HDAC9: variants seen among roughly 807,000 people sequenced by gnomAD.
HDAC9 encodes the protein MEF-2 interacting transcription repressor (MITR) protein.
HDAC9 carries 41 observed loss-of-function variants against 139.4 expected under a neutral mutation model. The ratio of observed to expected loss-of-function variants is 0.29; its 90% CI spans 0.23 to 0.38. HDAC9 has a LOEUF of 0.38. HDAC9 is among the 10% of genes least tolerant of loss of function. The probability of loss-of-function intolerance (pLI) is 1.00; values close to 1 mark genes in which losing one functional copy is unlikely to be tolerated. For missense variants in HDAC9, 1,147 were observed against 1,297.0 expected, an observed-to-expected ratio of 0.88 and a Z score of 1.78; for synonymous variants, 517 against 476.2, an observed-to-expected ratio of 1.09 and a Z score of -1.12.
At chr7:18,621,246 T>C (rs1840127609) in intron 6 of HDAC9, among the ~76,000 whole-genome samples, 2 of 151,650 alleles carry the variant, frequency 1.3e-5, no homozygotes, top group African/African-American at 4.8e-5. Flanking sequence ...GATATAATCA[T>C]AAATATAATG....
At chr7:18,344,885 G>C (rs1012573960) in intron 1 of HDAC9, among the ~76,000 whole-genome samples, 2 of 151,964 alleles carry the variant, frequency 1.3e-5, no homozygotes, top group Non-Finnish European at 2.9e-5. Context: ...TCTAAGGATT[G>C]ATAAGTAAAA....
chr7:18,175,536 G>C (rs976058000), intron 2 of HDAC9, among the ~76,000 whole-genome samples: 1 of 152,152 alleles, frequency 6.6e-6, no homozygotes, highest in Non-Finnish European at 1.5e-5. Flanking sequence ...CCTGTCTTCT[G>C]TGTTGATCAC....
chr7:18,905,974 TCTCTC>T (rs1029592049), intron 22 of HDAC9, among the ~76,000 whole-genome samples: 8 of 150,726 alleles, frequency 5.3e-5, no homozygotes, highest in African/African-American at 1.2e-4. Context: ...CTTCCTTCCT[TCTCTC>T]CTTCCTTCCT....
chr7:18,806,265 A>G (rs78253266), intron 17 of HDAC9, among the ~76,000 whole-genome samples: 1,883 of 152,330 alleles, frequency 0.012, 27 homozygotes, highest in African/African-American at 0.035. Context: ...GCTTAAAACA[A>G]TGCAAATTTA....
intron 2 of HDAC9, among the ~76,000 whole-genome samples, chr7:18,278,082 T>C (rs1796864217): frequency 6.6e-6 from 1 of 152,142 alleles, no homozygotes; most frequent in South Asian, 2.1e-4. Flanking sequence ...CAGGAATCTC[T>C]TCCTTTCGGA....
At chr7:18,922,203 A>G (rs1803816246) in intron 22 of HDAC9, among the ~76,000 whole-genome samples, 1 of 152,126 alleles carries the variant, frequency 6.6e-6, no homozygotes, top group South Asian at 2.1e-4. Flanking sequence ...CGTTGTGCAC[A>G]TGTACCCTAC....
At chr7:18,360,049 A>C (rs896878744) in intron 1 of HDAC9, among the ~76,000 whole-genome samples, 5 of 152,114 alleles carry the variant, frequency 3.3e-5, no homozygotes, top group Non-Finnish European at 7.4e-5. Flanking sequence ...CCACCCTCCG[A>C]TTCTCCTCTC....
intron 23 of HDAC9, among the ~76,000 whole-genome samples, chr7:18,945,917 T>G (rs935926037): frequency 4.6e-5 from 7 of 151,244 alleles, no homozygotes; most frequent in South Asian, 2.1e-4. Context: ...CGCACCTGTA[T>G]TCCCAGCTAC....
chr7:18,206,393 A>T (rs1328954201), intron 2 of HDAC9, among the ~76,000 whole-genome samples: 1 of 152,242 alleles, frequency 6.6e-6, no homozygotes, highest in Non-Finnish European at 1.5e-5. Flanking sequence ...TAAACTGTAT[A>T]TTATTTAAAA....
chr7:18,805,469 A>T (rs1208296702), intron 17 of HDAC9, among the ~76,000 whole-genome samples: 2 of 152,206 alleles, frequency 1.3e-5, no homozygotes, highest in African/African-American at 2.4e-5. Flanking sequence ...GAGAGAAGTC[A>T]GCAGCTGCAC....
At chr7:18,428,228 C>T (rs1301880293) in intron 1 of HDAC9, among the ~76,000 whole-genome samples, 3 of 152,088 alleles carry the variant, frequency 2.0e-5, no homozygotes, top group Non-Finnish European at 4.4e-5. Context: ...TTTGAGGAAC[C>T]TCTACCGTTT....
At chr7:18,264,485 G>T (rs887001693) in intron 2 of HDAC9, among the ~76,000 whole-genome samples, 6 of 152,130 alleles carry the variant, frequency 3.9e-5, no homozygotes, top group South Asian at 2.1e-4. Context: ...TTAATTTAAA[G>T]AATTTTTAGT....
At chr7:18,410,329 C>T (rs1562961285) in intron 1 of HDAC9, among the ~76,000 whole-genome samples, 1 of 152,082 alleles carries the variant, frequency 6.6e-6, no homozygotes, top group African/African-American at 2.4e-5. Context: ...CACAGGAAGG[C>T]ATTGGCAATG....
At chr7:18,482,517 G>A (rs745967428) in intron 1 of HDAC9, among the ~76,000 whole-genome samples, 2 of 149,084 alleles carry the variant, frequency 1.3e-5, no homozygotes, top group Non-Finnish European at 3.0e-5. Flanking sequence ...TTATCTTCCA[G>A]CAATAAATAC....
At chr7:18,806,451 G>T (rs1044567017) in intron 17 of HDAC9, among the ~76,000 whole-genome samples, 1 of 152,082 alleles carries the variant, frequency 6.6e-6, no homozygotes, top group East Asian at 1.9e-4. Context: ...AGCTCCTAGA[G>T]TACTCTCCCC....
intron 22 of HDAC9, among the ~76,000 whole-genome samples, chr7:18,883,228 A>C (rs544583457): frequency 4.6e-5 from 7 of 152,132 alleles, no homozygotes; most frequent in Non-Finnish European, 1.0e-4. Flanking sequence ...ATTGACTACA[A>C]TTTTAGTTAA....
intron 22 of HDAC9, among the ~76,000 whole-genome samples, chr7:18,911,375 G>A (rs1802726623): frequency 1.3e-5 from 2 of 151,576 alleles, no homozygotes; most frequent in Non-Finnish European, 3.0e-5. Context: ...CAGTTGTAAT[G>A]TCTTCTTCAT....
intron 2 of HDAC9, among the ~76,000 whole-genome samples, chr7:18,232,943 T>A (rs1584761642): frequency 2.0e-5 from 3 of 152,342 alleles, no homozygotes; most frequent in Admixed American, 2.0e-4. Flanking sequence ...AGGTTCATAA[T>A]AAACAGTTTT....
chr7:18,186,809 T>A (rs1284625753), intron 2 of HDAC9, among the ~76,000 whole-genome samples: 1 of 152,208 alleles, frequency 6.6e-6, no homozygotes, highest in Non-Finnish European at 1.5e-5. Flanking sequence ...AAATAAAGCA[T>A]AAGGTGGTTT....
Sources: gnomAD v4.1 joint callset for allele counts (sites outside exome capture counted in the v4.1 genomes callset) on GRCh38, gnomAD v4.1.1 for gene constraint, MANE v1.5 for transcripts, NCBI Gene and HGNC (gene_info 2026-07-23, HGNC 2026-07-21) for gene names.